SHANK2: variants seen among roughly 807,000 people sequenced by gnomAD.
SHANK2 encodes SH3 and multiple ankyrin repeat domains 2, also known as SH3 and multiple ankyrin repeat domains protein 2.
Under a neutral mutation model 133.7 loss-of-function variants are expected in SHANK2, and 43 were observed. The observed-to-expected ratio is 0.32, with a 90% CI of 0.25 to 0.41. The LOEUF (loss-of-function observed/expected upper bound fraction) is 0.41. Among genes scored for constraint, SHANK2 ranks in the 10% least tolerant of loss-of-function variants. The pLI, the probability that SHANK2 is intolerant of heterozygous loss-of-function variation, is 1.00. For missense variants in SHANK2, 1,994 were observed against 2,235.8 expected (o/e 0.89, Z 2.18); for synonymous variants, 1,017 against 952.8 (o/e 1.07, Z -1.24).
At chr11:70,505,191 G>A (rs1211982891) in intron 17 of SHANK2, among the ~76,000 whole-genome samples, 2 of 152,314 alleles carry the variant, frequency 1.3e-5, no homozygotes, top group Admixed American at 6.5e-5. Flanking sequence ...AGTGGGAATG[G>A]GCAAGGAAGC....
chr11:70,645,508 CA>C (rs1192642093), intron 17 of SHANK2, among the ~76,000 whole-genome samples: 1 of 152,148 alleles, frequency 6.6e-6, no homozygotes, highest in Non-Finnish European at 1.5e-5. Flanking sequence ...TAACTGACAA[CA>C]AAAAATGTCT....
At chr11:71,104,060 G>C (rs1480712128) in intron 6 of SHANK2, among the ~76,000 whole-genome samples, 7 of 151,998 alleles carry the variant, frequency 4.6e-5, no homozygotes, top group Non-Finnish European at 1.0e-4. Flanking sequence ...GCAGAACCTA[G>C]AGCCAATTAA....
chr11:71,113,292 C>A lies in SHANK2; in HGVS notation c.483+1G>T, dbSNP rs1555099758. The A allele has an allele frequency of 1.3e-6, 2 of 1,551,706 alleles. No homozygotes were observed. The highest frequency in any genetic ancestry group is 2.4e-5 in the East Asian group (1 of 40,930). On this transcript the variant is annotated splice_donor_variant, in intron 5 of 25. Coordinates refer to ENST00000601538, the MANE Select transcript of SHANK2 (RefSeq NM_012309.5). LOFTEE classifies it high-confidence loss of function. ...TAAATAACAGCCCGTTCCCTGCATA[C>A]CTTCGTGTGGAGCTTGGCCAACTGT...
chr11:70,718,007 G>C (rs1945980087), intron 14 of SHANK2, among the ~76,000 whole-genome samples: 1 of 152,162 alleles, frequency 6.6e-6, no homozygotes, highest in East Asian at 1.9e-4. Context: ...CCAGACTGGA[G>C]CCGCGTCCTT....
intron 10 of SHANK2, chr11:70,943,181 G>C (rs1555084703): frequency 2.3e-6 from 1 of 439,214 alleles, no homozygotes; most frequent in African/African-American, 2.0e-5. Flanking sequence ...AGAAGATGGT[G>C]CTCAGTCACC....
At position 70,495,812 on chromosome 11, in the gene SHANK2, T is replaced by A. The variant is rs1166907530; in HGVS notation, c.2309-3347A>T. 7 of 194,720 alleles carry A rather than the reference T, an allele frequency of 3.6e-5. No individual in the cohort carries two copies. In the East Asian group the frequency reaches 1.2e-3, roughly 34 times the overall value. 12.1% of individuals were successfully genotyped at this position (194,720 alleles called of 1,614,324 possible). On this transcript the variant is annotated intron_variant, in intron 21 of 25. Coordinates refer to ENST00000601538, the MANE Select transcript of SHANK2 (RefSeq NM_012309.5). ...AAACATCCCACGGGGGCATTCCAGG[T>A]GGCGAGCTCTGGGGGCAGCCGCAGA...
intron 2 of SHANK2, among the ~76,000 whole-genome samples, chr11:71,195,727 TAAA>T (rs1187391111): frequency 6.6e-6 from 1 of 152,172 alleles, no homozygotes; most frequent in Non-Finnish European, 1.5e-5. Flanking sequence ...TTTACAAACT[TAAA>T]AAAAGTTTTT....
At chr11:70,829,504 C>T (rs186614045) in intron 11 of SHANK2, among the ~76,000 whole-genome samples, 63 of 152,216 alleles carry the variant, frequency 4.1e-4, no homozygotes, top group Non-Finnish European at 6.3e-4. Flanking sequence ...CCCTCTGCCC[C>T]GCCCACCCCC....
intron 21 of SHANK2, among the ~76,000 whole-genome samples, chr11:70,493,985 A>C (rs902377457): frequency 3.3e-5 from 5 of 152,104 alleles, no homozygotes; most frequent in Non-Finnish European, 5.9e-5. Flanking sequence ...TCTCACGGGG[A>C]GCTGACCCAC....
chr11:70,485,398 T>G lies in SHANK2; in HGVS notation c.4895A>C (p.Gln1632Pro), dbSNP rs1313733349. ...TGCCAATTTCTCTCGGTTCATTTGC[T>G]GTAGGATAGAGTTCAATTCACTAAT... ...NVISELNSIL[Q>P]QMNREKLAKP... Residue 1632 changes from glutamine (Q) to proline (P), a missense_variant, in exon 25 of 26, where the codon CAG (glutamine) becomes CCG (proline). Transcript: ENST00000601538. The surrounding 1 kb of genome is among the most constrained non-coding windows in gnomAD (Gnocchi z 5.8). The G allele has an allele frequency of 1.9e-6, 3 of 1,613,990 alleles. No homozygotes were observed. Among genetic ancestry groups the G allele is most frequent in the African/African-American group, 1.3e-5 (1 of 74,948 alleles).
chr11:70,633,603 C>T (rs1175218438), intron 17 of SHANK2: 2 of 152,224 alleles, frequency 1.3e-5, no homozygotes, highest in African/African-American at 4.8e-5. Context: ...CTCAGCTCAT[C>T]ACTGCGAAGG....
chr11:71,221,968 C>T (rs186788220), intron 2 of SHANK2, among the ~76,000 whole-genome samples: 37 of 152,116 alleles, frequency 2.4e-4, no homozygotes, highest in African/African-American at 7.0e-4. Context: ...CCTGTTAGGG[C>T]GGAACTGGGA....
chr11:70,622,071 A>G (rs1164219751), intron 17 of SHANK2, among the ~76,000 whole-genome samples: 1 of 152,158 alleles, frequency 6.6e-6, no homozygotes, highest in East Asian at 1.9e-4. Flanking sequence ...CCCCAGGCAC[A>G]TTGGGGCAAA....
At chr11:70,501,847 G>T (rs1565542523) in intron 20 of SHANK2, 76 bp downstream of exon 20, 1 of 1,479,162 alleles carries the variant, frequency 6.8e-7, no homozygotes, top group Non-Finnish European at 9.2e-7. Context: ...TCCGAGGCCT[G>T]GGCTGAGGTG....
rs1187915719 is a variant in SHANK2, at chr11:70,472,599, C to T, written c.*270G>A. 2.2e-5 allele frequency: 11 copies of T among 504,398 alleles called. No individual in the cohort carries two copies. The highest frequency in any genetic ancestry group is 1.2e-4 in the South Asian group (6 of 48,086). 31.2% of individuals were successfully genotyped at this position (504,398 alleles called of 1,614,324 possible). A position where few individuals can be genotyped will look rare whatever the true frequency, so the allele number is the denominator to read the frequency against. The stretch of plus-strand genomic sequence containing the variant: ...AAAGCGAGGCCACCTGCATGCTGGG[C>T]GGCAGGCTGAGAATCTTTTTCCATG... On this transcript the variant is annotated 3_prime_UTR_variant, in exon 26 of 26. Coordinates refer to ENST00000601538, the MANE Select transcript of SHANK2 (RefSeq NM_012309.5). This position sits in a 1 kb window ranked among gnomAD's most constrained non-coding sequence, Gnocchi z 4.4.
chr11:71,096,687 C>T (rs185383154), intron 6 of SHANK2, among the ~76,000 whole-genome samples: 10 of 152,334 alleles, frequency 6.6e-5, no homozygotes, highest in Admixed American at 4.6e-4. Flanking sequence ...GTGTGACACT[C>T]GTTCGGGGCA....
At chr11:70,700,000 C>T (rs564451337) in intron 14 of SHANK2, among the ~76,000 whole-genome samples, 2 of 152,336 alleles carry the variant, frequency 1.3e-5, no homozygotes, top group African/African-American at 2.4e-5. Context: ...AACGCTCAGG[C>T]CTCTGAGACC....
chr11:70,546,009 T>TG (rs1347386071), intron 17 of SHANK2, among the ~76,000 whole-genome samples: 1 of 151,964 alleles, frequency 6.6e-6, no homozygotes, highest in Non-Finnish European at 1.5e-5. Context: ...TCGGGGCAAA[T>TG]GGGGGGTGCA....
intron 17 of SHANK2, among the ~76,000 whole-genome samples, chr11:70,589,392 T>C (rs1017382104): frequency 1.3e-5 from 2 of 152,210 alleles, no homozygotes; most frequent in Non-Finnish European, 2.9e-5. Context: ...ATTTACAGCA[T>C]GAATATTTTA....
Sources: allele counts gnomAD v4.1 joint callset (sites outside exome capture counted in the v4.1 genomes callset), GRCh38; gene constraint gnomAD v4.1.1; non-coding constraint Gnocchi (gnomAD v3.1); transcripts MANE v1.5; gene names NCBI Gene and HGNC (gene_info 2026-07-23, HGNC 2026-07-21).